The following NRCAM variants were observed in gnomAD, a reference collection of about 807,000 sequenced individuals.
The protein encoded by NRCAM is neuronal cell adhesion molecule.
In NRCAM, 83 loss-of-function variants were observed where a neutral mutation model predicts 156.5. The ratio of observed to expected loss-of-function variants is 0.53; its 90% CI spans 0.44 to 0.64. The LOEUF (loss-of-function observed/expected upper bound fraction) is 0.64, where lower values mean the gene tolerates loss of function less well. Among genes scored for constraint, NRCAM ranks in the 30% least tolerant of loss-of-function variants. The pLI is 0.00. For synonymous variants in NRCAM, 538 were observed against 563.9 expected (o/e 0.95, Z 0.65); for missense variants, 1,417 against 1,597.3 (o/e 0.89, Z 1.92).
At chr7:108,258,896 G>C (rs1460920063) in intron 3 of NRCAM, among the ~76,000 whole-genome samples, 1 of 152,112 alleles carries the variant, frequency 6.6e-6, no homozygotes, top group Non-Finnish European at 1.5e-5. Context: ...CTTATTCCTG[G>C]AGACTCCACT....
intron 3 of NRCAM, among the ~76,000 whole-genome samples, chr7:108,303,217 C>T (rs1411582522): frequency 6.6e-6 from 1 of 152,174 alleles, no homozygotes; most frequent in Non-Finnish European, 1.5e-5. Context: ...CCACCTCGGC[C>T]TCCCAAAGTG....
intron 3 of NRCAM, among the ~76,000 whole-genome samples, chr7:108,286,667 C>CGT (rs1214051110): frequency 6.6e-6 from 1 of 152,092 alleles, no homozygotes; most frequent in African/African-American, 2.4e-5. Context: ...TTTGCAGACA[C>CGT]AGCTATTAAG....
At chr7:108,325,153 G>GA (rs11399088) in intron 2 of NRCAM, among the ~76,000 whole-genome samples, 84,453 of 151,546 alleles carry the variant, frequency 0.56, 23,901 homozygotes, top group Non-Finnish European at 0.61. Flanking sequence ...AGCTAACCTA[G>GA]AAAAAAAATT....
chr7:108,392,029 G>C (rs958040220), intron 2 of NRCAM, among the ~76,000 whole-genome samples: 11 of 152,094 alleles, frequency 7.2e-5, no homozygotes, highest in Non-Finnish European at 1.3e-4. Flanking sequence ...TTTCAACTTT[G>C]GTGAATCTGA....
At chr7:108,184,349 C>A (rs1563313438) in intron 21 of NRCAM, 38 bp from the exon 22 acceptor site, 1 of 1,613,628 alleles carries the variant, frequency 6.2e-7, no homozygotes, top group East Asian at 2.2e-5. Flanking sequence ...AAGCTTTGGC[C>A]TTTTGCGAAG....
chr7:108,394,106 C>G (rs1043258447), intron 2 of NRCAM, among the ~76,000 whole-genome samples: 2 of 152,162 alleles, frequency 1.3e-5, no homozygotes, highest in Non-Finnish European at 2.9e-5. Context: ...GTTCCCAAGT[C>G]GACCACTCAT....
chr7:108,317,695 A>C lies in NRCAM; in HGVS notation c.-173-4964T>G, dbSNP rs2098944646. On this transcript the variant is annotated intron_variant, in intron 2 of 32. Transcript: ENST00000379028. Reference sequence around the variant, plus strand: ...GAGGTTGAGGCAGGTGCATCACTTGAGGTCAGGAGTTCAAGACCAGCCTGG... The same window carrying C: ...GAGGTTGAGGCAGGTGCATCACTTGCGGTCAGGAGTTCAAGACCAGCCTGG... Among the ~76,000 whole-genome samples the C allele has an allele frequency of 3.9e-5, 6 of 152,158 alleles. No individual in the cohort carries two copies. The South Asian group carries it at 1.2e-3, about 32-fold the overall frequency.
chr7:108,291,896 CTT>C (rs1196232393), intron 3 of NRCAM, among the ~76,000 whole-genome samples: 2 of 152,164 alleles, frequency 1.3e-5, no homozygotes, highest in African/African-American at 2.4e-5. Flanking sequence ...ATCAGAAAGT[CTT>C]TGTTTCCAAT....
chr7:108,256,300 G>A (rs1422126634), intron 3 of NRCAM, among the ~76,000 whole-genome samples: 1 of 150,340 alleles, frequency 6.7e-6, no homozygotes. Flanking sequence ...TCTGCCTTGG[G>A]ATGCTGTTAA....
At chr7:108,198,314 G>T (rs928764247) in intron 13 of NRCAM, among the ~76,000 whole-genome samples, 2 of 151,910 alleles carry the variant, frequency 1.3e-5, no homozygotes, top group African/African-American at 4.8e-5. Flanking sequence ...GTCTTAAGTC[G>T]ATTGATTCTG....
chr7:108,198,031 A>T lies in NRCAM; in HGVS notation c.1276T>A (p.Ser426Thr). The change falls in exon 14 of 33, where the codon TCA becomes ACA. Residue 426 changes from serine to threonine, a missense_variant. Ser to Thr is a moderately conservative substitution (Grantham distance 58). This residue lies in a region of NRCAM where 1,238 missense variants were observed against 1,336.4 expected (regional missense o/e 0.93). Coordinates refer to ENST00000379028, the MANE Select transcript of NRCAM (RefSeq NM_001037132.4). ...TIIFSNVQER[S>T]SAVYQCNASN... ...GCATTGCACTGATAGACTGCACTTG[A>T]TCTTTCTTGAACATTTGAAAAAATA... 1 of 1,602,772 alleles carries T rather than the reference A, an allele frequency of 6.2e-7. No homozygotes were observed. Among genetic ancestry groups the T allele is most frequent in the South Asian group, 1.1e-5 (1 of 89,136 alleles).
chr7:108,203,742 G>A (rs1218563636), intron 13 of NRCAM, among the ~76,000 whole-genome samples: 1 of 152,138 alleles, frequency 6.6e-6, no homozygotes, highest in African/African-American at 2.4e-5. Flanking sequence ...ACCTGGAGGG[G>A]ACACTGCACA....
chr7:108,260,998 T>G (rs1425984042), intron 3 of NRCAM, among the ~76,000 whole-genome samples: 3 of 152,034 alleles, frequency 2.0e-5, no homozygotes, highest in Non-Finnish European at 4.4e-5. Context: ...GCCAGTATGA[T>G]ACTAGGTACT....
rs373854963 is a variant in NRCAM at position 108,195,794 on chromosome 7, G to A, written c.1430C>T (p.Ala477Val). The change falls in exon 15 of 33, where the codon GCC (alanine) becomes GTC (valine). Residue 477 changes from alanine (A) to valine (V), a missense_variant. Physicochemically the swap from Ala to Val is moderately conservative, Grantham distance 64 (BLOSUM62 0). This residue lies in a region of NRCAM where 1,238 missense variants were observed against 1,336.4 expected (regional missense o/e 0.93). Coordinates refer to ENST00000379028, the MANE Select transcript of NRCAM (RefSeq NM_001037132.4). ...IANRPALLDC[A>V]FFGSPLPTIE... Reference sequence around the variant, plus strand: ...GGTTGGGAGAGGAGACCCAAAGAAGGCACAGTCTAGTAAAGCAGGCCTGTT... The same window carrying A: ...GGTTGGGAGAGGAGACCCAAAGAAGACACAGTCTAGTAAAGCAGGCCTGTT... 1.9e-6 allele frequency: 3 copies of A among 1,612,346 alleles called. No individual in the cohort carries two copies. In the South Asian group the frequency reaches 3.3e-5, roughly 18 times the overall value.
At chr7:108,370,319 C>T (rs2099620222) in intron 2 of NRCAM, among the ~76,000 whole-genome samples, 1 of 152,090 alleles carries the variant, frequency 6.6e-6, no homozygotes, top group Non-Finnish European at 1.5e-5. Flanking sequence ...ATTTGGAGGG[C>T]TTTCTTTGCG....
chr7:108,419,228 T>C (rs1234343746), intron 1 of NRCAM, among the ~76,000 whole-genome samples: 1 of 152,196 alleles, frequency 6.6e-6, no homozygotes, highest in Non-Finnish European at 1.5e-5. Flanking sequence ...GCAGTTAATT[T>C]CCCCAGAGGG....
Position 108,435,536 on chromosome 7 carries a change from T to C in NRCAM, c.-332+20707A>G, listed in dbSNP as rs530238029. The stretch of plus-strand genomic sequence containing the variant: ...AAAATCTCCCAAATTTGATGAAGCA[T>C]ACTAATATACAGATCTAAGAAGTTC... On this transcript the variant is annotated intron_variant, in intron 1 of 32. Transcript: ENST00000379028. Among the ~76,000 whole-genome samples the C allele has an allele frequency of 7.9e-5, 12 of 152,206 alleles. No individual in the cohort carries two copies. In the South Asian group the frequency reaches 1.7e-3, roughly 21 times the overall value.
At chr7:108,355,439 G>C (rs114292918) in intron 2 of NRCAM, among the ~76,000 whole-genome samples, 2,008 of 152,144 alleles carry the variant, frequency 0.013, 41 homozygotes, top group African/African-American at 0.046. Context: ...AAAGTACAAG[G>C]GGATGAAAGA....
chr7:108,156,929 T>A (rs945741400), intron 32 of NRCAM, among the ~76,000 whole-genome samples: 2 of 152,130 alleles, frequency 1.3e-5, no homozygotes, highest in Non-Finnish European at 2.9e-5. Context: ...TAAACACTTT[T>A]TGGATTTCTT....
Sources: allele counts gnomAD v4.1 joint callset (sites outside exome capture counted in the v4.1 genomes callset), GRCh38; gene constraint gnomAD v4.1.1; regional missense constraint gnomAD v4.1.1; transcripts MANE v1.5; gene names NCBI Gene and HGNC (gene_info 2026-07-23, HGNC 2026-07-21).